Variants in RAB3IP observed in about 807,000 individuals in gnomAD.
RAB3IP encodes rab-3A-interacting protein.
A neutral mutation model predicts 59.1 loss-of-function variants in RAB3IP; 36 were observed. The ratio of observed to expected loss-of-function variants is 0.61; its 90% confidence interval spans 0.47 to 0.80. The LOEUF (loss-of-function observed/expected upper bound fraction) is 0.80. Ranked by LOEUF, RAB3IP falls within the 30% of genes least tolerant of loss-of-function variation. RAB3IP has a pLI of 0.00. For missense variants in RAB3IP, 511 were observed against 536.0 expected (o/e 0.95, Z 0.46); for synonymous variants, 207 against 191.2 (o/e 1.08, Z -0.68).
intron 3 of RAB3IP, among the ~76,000 whole-genome samples, chr12:69,764,594 T>G (rs1028221349): frequency 6.6e-6 from 1 of 152,228 alleles, no homozygotes; most frequent in Non-Finnish European, 1.5e-5. Context: ...TCTGACTTCT[T>G]TTTTCAAAGG....
intron 4 of RAB3IP, among the ~76,000 whole-genome samples, chr12:69,791,624 C>T (rs1876632661): frequency 6.6e-6 from 1 of 152,070 alleles, no homozygotes. Context: ...AGATAGCACC[C>T]CACACTGGTT....
At position 69,747,402 on chromosome 12, in the gene RAB3IP, T is replaced by C. The variant is rs1325156607; in HGVS notation, c.-25-7982T>C. Among the ~76,000 whole-genome samples, 14 of 152,144 alleles carry C rather than the reference T, an allele frequency of 9.2e-5. No homozygotes were observed. In the East Asian group the frequency reaches 2.5e-3, roughly 27 times the overall value. On this transcript the variant is annotated intron_variant, in intron 1 of 10. Transcript: ENST00000247833. ...GTGCAGTGGCACAATCACAGTTCGCTATAGCCTCAACCTTCCTGGCTCAGG... is the reference window on the plus strand; with the variant it reads ...GTGCAGTGGCACAATCACAGTTCGCCATAGCCTCAACCTTCCTGGCTCAGG...
At chr12:69,799,758 C>G (rs1426807275) in intron 6 of RAB3IP, among the ~76,000 whole-genome samples, 1 of 152,040 alleles carries the variant, frequency 6.6e-6, no homozygotes, top group Non-Finnish European at 1.5e-5. Context: ...TATTCAGACA[C>G]TATAATTAAT....
chr12:69,773,399 CTTTTTTTTTTT>C (rs71437123), intron 3 of RAB3IP, among the ~76,000 whole-genome samples: 1 of 48,002 alleles, frequency 2.1e-5, no homozygotes, highest in South Asian at 9.2e-4. Flanking sequence ...ATTTGTCTTT[CTTTTTTTTTTT>C]TTTTTTTTTT....
chr12:69,801,075 C>T (rs894341046), intron 7 of RAB3IP, among the ~76,000 whole-genome samples: 1 of 152,138 alleles, frequency 6.6e-6, no homozygotes, highest in Admixed American at 6.5e-5. Context: ...AGTAACCTTG[C>T]CAGACTAAAG....
intron 8 of RAB3IP, among the ~76,000 whole-genome samples, chr12:69,802,754 C>T (rs542032885): frequency 1.3e-5 from 2 of 152,286 alleles, no homozygotes; most frequent in South Asian, 4.1e-4. Context: ...GAATTGTGTG[C>T]TTGTTTCTAT....
rs1394609665 is a variant in RAB3IP at position 69,756,623 on chromosome 12, G to T, written c.470G>T (p.Gly157Val). Residue 157 changes from glycine to valine, a missense_variant, in exon 3 of 11, where the codon GGC becomes GTC. Transcript: ENST00000247833. The stretch of plus-strand genomic sequence containing the variant: ...TCTGTTTTGGAAGTTAGAGAAAAGG[G>T]CTATGAACGATTAAAAGAAGAACTC... ...SPSVLEVREK[G>V]YERLKEELAK... 7 of 1,613,952 alleles carry T rather than the reference G, an allele frequency of 4.3e-6. No homozygotes were observed. Among genetic ancestry groups the T allele is most frequent in the Non-Finnish European group, 5.9e-6 (7 of 1,179,888 alleles).
At chr12:69,810,310 T>G (rs1880219739) in intron 8 of RAB3IP, among the ~76,000 whole-genome samples, 1 of 152,134 alleles carries the variant, frequency 6.6e-6, no homozygotes, top group Non-Finnish European at 1.5e-5. Context: ...CCGCCCCTAC[T>G]GGGGGGTGCC....
chr12:69,763,656 A>T (rs4570630), intron 3 of RAB3IP, among the ~76,000 whole-genome samples: 150,766 of 152,260 alleles, frequency 0.99, 74,666 homozygotes, highest in Middle Eastern at 1. Context: ...ATGTGCAGGT[A>T]TATTACCTGG....
intron 4 of RAB3IP, among the ~76,000 whole-genome samples, chr12:69,787,511 G>A (rs1020397148): frequency 1.3e-5 from 2 of 152,116 alleles, no homozygotes; most frequent in African/African-American, 4.8e-5. Flanking sequence ...GAGCAATGCA[G>A]GCACTCATAT....
rs1881632177 is a variant in RAB3IP, at chr12:69,820,749, T to G, written c.*5303T>G. 2 of 150,802 alleles carry G rather than the reference T, an allele frequency of 1.3e-5. No individual in the cohort carries two copies. The highest frequency in any genetic ancestry group is 2.4e-5 in the African/African-American group (1 of 40,978). The allele number at this position is 150,802 out of a possible 1,614,324, so 9.3% of individuals were successfully genotyped here. ...GGCGCATGCCTGTAATCCCAGCTAC[T>G]TGGGAGGCTGAGTCAGGAGAAACGC... On this transcript the variant is annotated 3_prime_UTR_variant, in exon 11 of 11. Coordinates refer to ENST00000247833, the MANE Select transcript of RAB3IP (RefSeq NM_022456.5).
chr12:69,780,141 A>G (rs1306535416), intron 3 of RAB3IP, among the ~76,000 whole-genome samples: 1 of 152,180 alleles, frequency 6.6e-6, no homozygotes, highest in Admixed American at 6.5e-5. Context: ...GGGTACCCTG[A>G]CTGTGAGGAA....
At chr12:69,759,943 C>A (rs978711268) in intron 3 of RAB3IP, among the ~76,000 whole-genome samples, 1 of 150,278 alleles carries the variant, frequency 6.7e-6, no homozygotes, top group African/African-American at 2.5e-5. Flanking sequence ...CGATGGGTGG[C>A]CGGGCAGAGA....
rs1478811064 is a variant in RAB3IP at position 69,818,303 on chromosome 12, G to A, written c.*2857G>A. On this transcript the variant is annotated 3_prime_UTR_variant, in exon 11 of 11. Transcript: ENST00000247833. ...TGCACAAAAAGATTTTTTTGAATTA[G>A]CTGGGCATGGTGGTGCATGCCTGTG... The A allele has an allele frequency of 2.0e-5, 3 of 152,178 alleles. No homozygotes were observed. The highest frequency in any genetic ancestry group is 1.9e-4 in the East Asian group (1 of 5,186). The allele number at this position is 152,178 out of a possible 1,614,324, so 9.4% of individuals were successfully genotyped here.
chr12:69,759,905 T>G (rs7969905), intron 3 of RAB3IP, among the ~76,000 whole-genome samples: 1 of 151,090 alleles, frequency 6.6e-6, no homozygotes, highest in African/African-American at 2.4e-5. Context: ...GGGTCGCGGC[T>G]GGACAGAGGC....
chr12:69,810,670 G>C (rs911642768), intron 8 of RAB3IP, among the ~76,000 whole-genome samples: 2 of 144,822 alleles, frequency 1.4e-5, no homozygotes, highest in Admixed American at 1.4e-4. Context: ...GACATTTTAA[G>C]AAAGAAAAGT....
intron 3 of RAB3IP, among the ~76,000 whole-genome samples, chr12:69,775,128 A>G: frequency 2.0e-5 from 1 of 50,132 alleles, no homozygotes; most frequent in Non-Finnish European, 4.1e-5. Context: ...GGTCCTTCAC[A>G]TCCCTTGTAA....
intron 1 of RAB3IP, among the ~76,000 whole-genome samples, chr12:69,742,672 C>A (rs552187479): frequency 6.6e-6 from 1 of 152,252 alleles, no homozygotes; most frequent in Middle Eastern, 3.4e-3. Context: ...TGTTTTGAAG[C>A]TGCTCTAGCA....
rs562366596 is a variant in RAB3IP, at chr12:69,784,629, A to G, written c.511-91A>G. ...CATTGTCAGAAGTGACAGTATTCAT[A>G]TTTTATAATTTTATTAGTAAAGATT... On this transcript the variant is annotated intron_variant, in intron 3 of 10. Transcript: ENST00000247833. 121 of 525,832 alleles carry G rather than the reference A, an allele frequency of 2.3e-4. 1 individual carries two copies. The South Asian group carries it at 4.6e-3, about 20-fold the overall frequency. 32.6% of individuals were successfully genotyped at this position (525,832 alleles called of 1,614,324 possible).
Sources: gnomAD v4.1 joint callset for allele counts (sites outside exome capture counted in the v4.1 genomes callset) on GRCh38, gnomAD v4.1.1 for gene constraint, MANE v1.5 for transcripts, NCBI Gene and HGNC (gene_info 2026-07-23, HGNC 2026-07-21) for gene names.